Variants in INPP4B observed in about 807,000 individuals in gnomAD.
INPP4B encodes the protein inositol polyphosphate 4-phosphatase type II.
Under a neutral mutation model 122.5 loss-of-function variants are expected in INPP4B, and 55 were observed. The observed-to-expected ratio is 0.45, with a 90% CI of 0.36 to 0.56. INPP4B has a LOEUF of 0.56. Among genes scored for constraint, INPP4B ranks in the 20% least tolerant of loss-of-function variants. The pLI is 0.00. For missense variants in INPP4B, 1,000 were observed against 1,097.7 expected, an observed-to-expected ratio of 0.91 and a Z score of 1.26; for synonymous variants, 403 against 388.7, an observed-to-expected ratio of 1.04 and a Z score of -0.43.
chr4:142,099,702 A>G (rs1353201568), intron 23 of INPP4B, among the ~76,000 whole-genome samples: 1 of 152,184 alleles, frequency 6.6e-6, no homozygotes, highest in Non-Finnish European at 1.5e-5. Flanking sequence ...TTAGCTTAAC[A>G]TTATAAATCA....
At chr4:142,661,364 G>A (rs529147298) in intron 2 of INPP4B, among the ~76,000 whole-genome samples, 2 of 152,284 alleles carry the variant, frequency 1.3e-5, no homozygotes, top group Admixed American at 1.3e-4. Context: ...ACCACCGATT[G>A]TTTGTATTCT....
intron 9 of INPP4B, among the ~76,000 whole-genome samples, chr4:142,290,871 T>C (rs539021081): frequency 8.5e-5 from 13 of 152,272 alleles, no homozygotes; most frequent in African/African-American, 3.1e-4. Flanking sequence ...CAGGGCTCAG[T>C]GTTTTAAGAC....
intron 2 of INPP4B, among the ~76,000 whole-genome samples, chr4:142,568,074 C>A (rs1253019176): frequency 6.6e-6 from 1 of 152,078 alleles, no homozygotes; most frequent in Non-Finnish European, 1.5e-5. Flanking sequence ...CAAGGCTGAA[C>A]CTTTCCCCTC....
At chr4:142,779,386 G>A (rs1435565292) in intron 1 of INPP4B, among the ~76,000 whole-genome samples, 2 of 152,030 alleles carry the variant, frequency 1.3e-5, no homozygotes, top group Non-Finnish European at 2.9e-5. Flanking sequence ...CCCTTCACAT[G>A]ATTTGGAGTT....
intron 2 of INPP4B, among the ~76,000 whole-genome samples, chr4:142,472,869 GA>G (rs1355244339): frequency 6.6e-6 from 1 of 152,064 alleles, no homozygotes; most frequent in Non-Finnish European, 1.5e-5. Flanking sequence ...ATTTTGAAAA[GA>G]AAAACTTTTC....
In INPP4B at chr4:142,846,269, T is replaced by A. The variant is rs531258391; in HGVS notation, c.-314A>T. ...GCAGACACTTTTAGCCTGACTTTCC[T>A]GCGTTCGCTTGCGAGCGTGTGAGCG... On this transcript the variant is annotated 5_prime_UTR_variant, in exon 1 of 26. Coordinates refer to ENST00000262992, the MANE Select transcript of INPP4B (RefSeq NM_001101669.3). This position sits in a 1 kb window ranked among gnomAD's most constrained non-coding sequence, Gnocchi z 5.1. 1.3e-5 allele frequency: 2 copies of A among 152,726 alleles called. No homozygotes were observed. Among genetic ancestry groups the A allele is most frequent in the Non-Finnish European group, 2.9e-5 (2 of 68,418 alleles). The allele number at this position is 152,726 out of a possible 1,614,324, so 9.5% of individuals were successfully genotyped here.
intron 2 of INPP4B, among the ~76,000 whole-genome samples, chr4:142,585,165 C>T (rs542624682): frequency 2.0e-4 from 30 of 152,194 alleles, no homozygotes; most frequent in Admixed American, 1.8e-3. Flanking sequence ...TGCTTAAGGC[C>T]TATTTTGTGC....
chr4:142,658,099 G>T (rs181770204), intron 2 of INPP4B, among the ~76,000 whole-genome samples: 1 of 152,118 alleles, frequency 6.6e-6, no homozygotes, highest in Non-Finnish European at 1.5e-5. Flanking sequence ...CATAATTAAG[G>T]TTATGTTAAG....
intron 2 of INPP4B, among the ~76,000 whole-genome samples, chr4:142,626,860 T>A (rs1746544472): frequency 6.6e-6 from 1 of 152,060 alleles, no homozygotes; most frequent in South Asian, 2.1e-4. Context: ...TGTTTGATGC[T>A]GTAAGGTATT....
intron 2 of INPP4B, among the ~76,000 whole-genome samples, chr4:142,658,600 G>GCA (rs1754589963): frequency 6.6e-6 from 1 of 152,036 alleles, no homozygotes; most frequent in Non-Finnish European, 1.5e-5. Flanking sequence ...CTTAACTTAC[G>GCA]GCATTACAGT....
chr4:142,720,761 ATCTCTCTCTCTCTC>A (rs1175727015), intron 2 of INPP4B, among the ~76,000 whole-genome samples: 757 of 37,578 alleles, frequency 0.02, 105 homozygotes, highest in African/African-American at 0.07. Flanking sequence ...TATATATATA[ATCTCTCTCTCTCTC>A]TCTCTCTCTC....
At chr4:142,564,077 A>G (rs956298511) in intron 2 of INPP4B, among the ~76,000 whole-genome samples, 1 of 152,224 alleles carries the variant, frequency 6.6e-6, no homozygotes, top group African/African-American at 2.4e-5. Flanking sequence ...AAGATAGTAG[A>G]TAGAATCCAT....
intron 22 of INPP4B, among the ~76,000 whole-genome samples, chr4:142,109,252 C>A (rs1489690895): frequency 1.3e-5 from 2 of 152,062 alleles, no homozygotes; most frequent in Non-Finnish European, 2.9e-5. Flanking sequence ...TAGTCTCTTT[C>A]ACTTCCAGTT....
chr4:142,395,885 T>C (rs764004388), intron 7 of INPP4B, among the ~76,000 whole-genome samples: 1 of 152,114 alleles, frequency 6.6e-6, no homozygotes, highest in African/African-American at 2.4e-5. Context: ...TTGTGATTGC[T>C]AGGAGCTGGG....
chr4:142,540,065 C>T (rs1331208614), intron 2 of INPP4B, among the ~76,000 whole-genome samples: 1 of 151,920 alleles, frequency 6.6e-6, no homozygotes, highest in Non-Finnish European at 1.5e-5. Context: ...TACACAGTTC[C>T]TCTATTAAAT....
At chr4:142,136,319 C>T (rs1804226254) in intron 18 of INPP4B, among the ~76,000 whole-genome samples, 1 of 152,122 alleles carries the variant, frequency 6.6e-6, no homozygotes. Flanking sequence ...CCTCCAAGGC[C>T]CGGGTACAGG....
chr4:142,557,934 C>T (rs545121640), intron 2 of INPP4B, among the ~76,000 whole-genome samples: 239 of 152,284 alleles, frequency 1.6e-3, no homozygotes, highest in African/African-American at 5.2e-3. Context: ...TGCCACAAAA[C>T]GAACTGTTCA....
At chr4:142,585,218 C>G (rs1735909238) in intron 2 of INPP4B, among the ~76,000 whole-genome samples, 1 of 152,122 alleles carries the variant, frequency 6.6e-6, no homozygotes, top group Admixed American at 6.6e-5. Flanking sequence ...TTCAGTTGTT[C>G]TTGGTTCCTT....
chr4:142,296,708 G>C (rs1758856126), intron 9 of INPP4B, among the ~76,000 whole-genome samples: 1 of 152,160 alleles, frequency 6.6e-6, no homozygotes, highest in Non-Finnish European at 1.5e-5. Flanking sequence ...GCCAGGATTT[G>C]GGCACAGATA....
Sources: gnomAD v4.1 joint callset for allele counts (sites outside exome capture counted in the v4.1 genomes callset) on GRCh38, gnomAD v4.1.1 for gene constraint, Gnocchi (gnomAD v3.1) non-coding constraint, MANE v1.5 for transcripts, NCBI Gene and HGNC (gene_info 2026-07-23, HGNC 2026-07-21) for gene names.